Variants in ZBTB20 observed in about 807,000 individuals in gnomAD.
The protein encoded by ZBTB20 is zinc finger and BTB domain containing 20.
A neutral mutation model predicts 56.9 loss-of-function variants in ZBTB20; 9 were observed. That is an observed-to-expected ratio of 0.16 (90% CI 0.10 to 0.28). The LOEUF is 0.28. Ranked by LOEUF, ZBTB20 falls within the 10% of genes least tolerant of loss-of-function variation. The pLI is 1.00. For synonymous variants in ZBTB20, 417 were observed against 420.7 expected (o/e 0.99, Z 0.11); for missense variants, 655 against 1,003.0 (o/e 0.65, Z 4.69).
intron 6 of ZBTB20, among the ~76,000 whole-genome samples, chr3:114,557,034 G>T (rs1006580420): frequency 6.6e-6 from 1 of 151,972 alleles, no homozygotes; most frequent in Non-Finnish European, 1.5e-5. Flanking sequence ...TATGTTACCT[G>T]ATTATCTTCT....
At chr3:114,624,642 T>C (rs896859020) in intron 6 of ZBTB20, among the ~76,000 whole-genome samples, 1 of 152,224 alleles carries the variant, frequency 6.6e-6, no homozygotes, top group Admixed American at 6.5e-5. Context: ...GGCTGCTTAT[T>C]AGCCAAATTT....
intron 3 of ZBTB20, among the ~76,000 whole-genome samples, chr3:114,915,027 G>C (rs1200114156): frequency 2.0e-5 from 3 of 149,844 alleles, no homozygotes; most frequent in South Asian, 4.2e-4. Context: ...GGTTTTCTTT[G>C]TTTTCTTTTC....
intron 1 of ZBTB20, among the ~76,000 whole-genome samples, chr3:115,075,497 A>G (rs2082562053): frequency 6.6e-6 from 1 of 152,156 alleles, no homozygotes; most frequent in Admixed American, 6.5e-5. Flanking sequence ...CACTGTGTAT[A>G]TATACCATTT....
At chr3:114,354,591 T>G (rs1421715990) in intron 10 of ZBTB20, among the ~76,000 whole-genome samples, 5 of 148,592 alleles carry the variant, frequency 3.4e-5, no homozygotes, top group Admixed American at 2.7e-4. Context: ...TTGTTTGTTT[T>G]TTTTTTTTTT....
intron 11 of ZBTB20, among the ~76,000 whole-genome samples, chr3:114,346,816 G>C (rs1227807280): frequency 6.7e-6 from 1 of 150,172 alleles, no homozygotes; most frequent in Non-Finnish European, 1.5e-5. Context: ...GTCCCAAGTA[G>C]CTGGAACTAT....
chr3:114,498,728 C>G (rs1028038159), intron 7 of ZBTB20, among the ~76,000 whole-genome samples: 3 of 152,218 alleles, frequency 2.0e-5, no homozygotes, highest in Admixed American at 2.0e-4. Context: ...TCTCTAGAAG[C>G]TATGCAACTG....
chr3:114,647,084 G>A (rs1423005533), intron 6 of ZBTB20, among the ~76,000 whole-genome samples: 3 of 151,818 alleles, frequency 2.0e-5, no homozygotes, highest in African/African-American at 4.8e-5. Flanking sequence ...TCAGCCTCCC[G>A]AGTAGCTGGG....
chr3:115,058,584 C>G (rs967580246), intron 2 of ZBTB20, among the ~76,000 whole-genome samples: 2 of 152,150 alleles, frequency 1.3e-5, no homozygotes, highest in African/African-American at 4.8e-5. Flanking sequence ...CAAAAATTAG[C>G]CGGGCAAGGT....
At chr3:114,993,699 T>TA (rs1224152677) in intron 2 of ZBTB20, among the ~76,000 whole-genome samples, 1 of 151,904 alleles carries the variant, frequency 6.6e-6, no homozygotes, top group Non-Finnish European at 1.5e-5. Context: ...AAATATTAAT[T>TA]ATTTAAAATG....
chr3:114,736,460 T>C (rs577254953), intron 5 of ZBTB20, among the ~76,000 whole-genome samples: 15 of 152,326 alleles, frequency 9.8e-5, no homozygotes, highest in African/African-American at 3.6e-4. Flanking sequence ...TATTCCAGAA[T>C]GTTCTCTGAG....
At chr3:114,753,220 T>A (rs114095854) in intron 5 of ZBTB20, among the ~76,000 whole-genome samples, 5,017 of 148,574 alleles carry the variant, frequency 0.034, 316 homozygotes, top group African/African-American at 0.12. Context: ...GCATATTTTT[T>A]ATATATATAA....
At chr3:114,476,681 A>G (rs1324633923) in intron 7 of ZBTB20, among the ~76,000 whole-genome samples, 1 of 152,208 alleles carries the variant, frequency 6.6e-6, no homozygotes, top group African/African-American at 2.4e-5. Flanking sequence ...TCATTCATTC[A>G]TGAAGGCAGA....
intron 6 of ZBTB20, among the ~76,000 whole-genome samples, chr3:114,560,294 G>T (rs1577557000): frequency 6.6e-6 from 1 of 152,144 alleles, no homozygotes; most frequent in East Asian, 1.9e-4. Context: ...TCCCTGTAAG[G>T]TTTCTCTTGA....
chr3:115,005,296 T>C (rs1373385913), intron 2 of ZBTB20, among the ~76,000 whole-genome samples: 2 of 151,866 alleles, frequency 1.3e-5, no homozygotes, highest in African/African-American at 2.4e-5. Context: ...TTTGTATTTA[T>C]TGTATGTGTA....
chr3:114,654,519 C>A (rs915313483), intron 6 of ZBTB20, among the ~76,000 whole-genome samples: 109 of 151,902 alleles, frequency 7.2e-4, no homozygotes, highest in African/African-American at 2.6e-3. Context: ...ATGTTTGAAA[C>A]TCATTTGATG....
In ZBTB20 at chr3:114,339,599, C is replaced by T. The variant is rs1560093017; in HGVS notation, c.1805-173G>A. On this transcript the variant is annotated intron_variant, in intron 11 of 11. Transcript: ENST00000675478. This position sits in a 1 kb window ranked among gnomAD's most constrained non-coding sequence, Gnocchi z 4.2. ...GGAAAAATCCAGGCCCTCCTAGCCT[C>T]TCATGTGCAGAGAAATTTTGCTTTA... 6.6e-6 allele frequency among the ~76,000 whole-genome samples: 1 copy of T among 152,224 alleles called. No individual in the cohort carries two copies. The highest frequency in any genetic ancestry group is 1.5e-5 in the Non-Finnish European group (1 of 68,032).
chr3:115,100,313 T>G (rs772309008), intron 1 of ZBTB20: 1 of 150,522 alleles, frequency 6.6e-6, no homozygotes, highest in South Asian at 2.1e-4. Context: ...CACTGCAACC[T>G]ACCTTACAAA....
intron 2 of ZBTB20, among the ~76,000 whole-genome samples, chr3:115,042,378 T>G (rs1484848430): frequency 6.6e-6 from 1 of 152,206 alleles, no homozygotes; most frequent in African/African-American, 2.4e-5. Context: ...AACACATCAG[T>G]TCATCTGCAA....
intron 2 of ZBTB20, among the ~76,000 whole-genome samples, chr3:115,029,806 A>G (rs760299678): frequency 4.6e-5 from 7 of 151,040 alleles, no homozygotes; most frequent in African/African-American, 7.3e-5. Context: ...CAAATACAGA[A>G]GAATTTTTAA....
Sources: allele counts gnomAD v4.1 joint callset (sites outside exome capture counted in the v4.1 genomes callset), GRCh38; gene constraint gnomAD v4.1.1; non-coding constraint Gnocchi (gnomAD v3.1); transcripts MANE v1.5; gene names NCBI Gene and HGNC (gene_info 2026-07-23, HGNC 2026-07-21).